The following SLC2A13 variants were observed in gnomAD, a reference collection of about 807,000 sequenced individuals.
SLC2A13 encodes the protein proton myo-inositol cotransporter.
In SLC2A13, 32 loss-of-function variants were observed where a neutral mutation model predicts 64.4. The ratio of observed to expected loss-of-function variants is 0.50; its 90% CI spans 0.37 to 0.67. The LOEUF is 0.67. Ranked by LOEUF, SLC2A13 falls within the 30% of genes least tolerant of loss-of-function variation. The probability of loss-of-function intolerance (pLI) is 0.00; values close to 1 mark genes in which losing one functional copy is unlikely to be tolerated. For synonymous variants in SLC2A13, 338 were observed against 327.1 expected (o/e 1.03, Z -0.36); for missense variants, 743 against 829.2 (o/e 0.90, Z 1.28).
At chr12:39,941,550 T>C (rs1946026051) in intron 4 of SLC2A13, among the ~76,000 whole-genome samples, 1 of 152,212 alleles carries the variant, frequency 6.6e-6, no homozygotes. Flanking sequence ...TTCATGTTTG[T>C]TGGCCATTTC....
At chr12:39,934,190 G>T (rs528593136) in intron 4 of SLC2A13, among the ~76,000 whole-genome samples, 1 of 152,124 alleles carries the variant, frequency 6.6e-6, no homozygotes, top group East Asian at 1.9e-4. Flanking sequence ...TGAAATGAAG[G>T]TCTTGGGGAT....
intron 6 of SLC2A13, among the ~76,000 whole-genome samples, chr12:39,833,945 G>GT (rs1942935818): frequency 6.7e-6 from 1 of 150,186 alleles, no homozygotes; most frequent in Non-Finnish European, 1.5e-5. Flanking sequence ...AAAGTAGGTC[G>GT]TAAGACCCTC....
intron 3 of SLC2A13, among the ~76,000 whole-genome samples, chr12:39,987,943 T>C (rs999431904): frequency 3.3e-5 from 5 of 151,868 alleles, no homozygotes; most frequent in African/African-American, 7.3e-5. Context: ...AGAAAAAGAG[T>C]GAAATCCCCC....
chr12:39,874,874 T>C (rs1944143848), intron 4 of SLC2A13, among the ~76,000 whole-genome samples: 1 of 152,192 alleles, frequency 6.6e-6, no homozygotes, highest in Non-Finnish European at 1.5e-5. Context: ...GAAGCCTATT[T>C]CAAATCATTA....
At chr12:39,978,530 AGTTCCCTTT>A (rs1489582317) in intron 3 of SLC2A13, among the ~76,000 whole-genome samples, 1 of 152,190 alleles carries the variant, frequency 6.6e-6, no homozygotes, top group African/African-American at 2.4e-5. Flanking sequence ...GGGGTCAGGG[AGTTCCCTTT>A]CGGAGTCAAA....
At chr12:40,020,755 T>C (rs571199814) in intron 3 of SLC2A13, among the ~76,000 whole-genome samples, 1 of 152,240 alleles carries the variant, frequency 6.6e-6, no homozygotes, top group South Asian at 2.1e-4. Context: ...TTAAAGGGCA[T>C]AGCAATTTGT....
At position 40,037,395 on chromosome 12, in the gene SLC2A13, G is replaced by T. The variant is rs145325424; in HGVS notation, c.717-8886C>A. Among the ~76,000 whole-genome samples, 383 of 152,136 alleles carry T rather than the reference G, an allele frequency of 2.5e-3. 2 individuals are homozygous for T. The highest frequency in any genetic ancestry group is 4.2e-3 in the Non-Finnish European group (288 of 67,984). ...GCAATTTGGTAGGCTGCAGTGGGTG[G>T]ATTGCTTAAGCTCAGGATTTCAAAA... On this transcript the variant is annotated intron_variant, in intron 2 of 9. Coordinates refer to ENST00000280871, the MANE Select transcript of SLC2A13 (RefSeq NM_052885.4).
rs148991634 is a variant in SLC2A13, at chr12:39,839,692, A to T, written c.1320-9464T>A. Among the ~76,000 whole-genome samples, 930 of 151,964 alleles carry T rather than the reference A, an allele frequency of 6.1e-3. 10 individuals are homozygous for T. Among genetic ancestry groups the T allele is most frequent in the African/African-American group, 0.021 (882 of 41,462 alleles). ...TTCTCCTTTGCTTCTGTTCTGGGCC[A>T]TCTACTTTCATTGCTTTGCTGGGAA... is the stretch of plus-strand genomic sequence containing the variant. On this transcript the variant is annotated intron_variant, in intron 6 of 9. Coordinates refer to ENST00000280871, the MANE Select transcript of SLC2A13 (RefSeq NM_052885.4).
intron 4 of SLC2A13, among the ~76,000 whole-genome samples, chr12:39,875,540 G>GA (rs956297228): frequency 1.3e-5 from 2 of 152,138 alleles, no homozygotes; most frequent in Non-Finnish European, 2.9e-5. Context: ...TCCTTGGGGG[G>GA]ACCATTATTC....
chr12:40,074,166 ATTTT>A (rs34071336), intron 1 of SLC2A13, among the ~76,000 whole-genome samples: 9 of 121,880 alleles, frequency 7.4e-5, no homozygotes, highest in Non-Finnish European at 1.1e-4. Context: ...CATCAAAGAC[ATTTT>A]TTTTTTTTTT....
At chr12:39,793,836 C>A (rs1352051848) in intron 7 of SLC2A13, among the ~76,000 whole-genome samples, 2 of 151,986 alleles carry the variant, frequency 1.3e-5, no homozygotes, top group Non-Finnish European at 2.9e-5. Context: ...AATAAATGAT[C>A]CCAGAACATT....
intron 3 of SLC2A13, among the ~76,000 whole-genome samples, chr12:39,965,292 G>A (rs998591178): frequency 6.6e-6 from 1 of 152,106 alleles, no homozygotes; most frequent in Non-Finnish European, 1.5e-5. Flanking sequence ...CAAGTTTATG[G>A]ACATTATTAT....
At chr12:39,783,177 A>G (rs1410319978) in intron 7 of SLC2A13, among the ~76,000 whole-genome samples, 2 of 152,140 alleles carry the variant, frequency 1.3e-5, no homozygotes, top group African/African-American at 4.8e-5. Context: ...AGCTTCATCC[A>G]TGTCCCTACG....
At chr12:39,970,746 G>A (rs1052977204) in intron 3 of SLC2A13, among the ~76,000 whole-genome samples, 1 of 152,082 alleles carries the variant, frequency 6.6e-6, no homozygotes, top group African/African-American at 2.4e-5. Context: ...TAATATCAGG[G>A]TCCTGATGCT....
chr12:40,085,819 T>C (rs1938571075), intron 1 of SLC2A13, among the ~76,000 whole-genome samples: 1 of 152,126 alleles, frequency 6.6e-6, no homozygotes, highest in African/African-American at 2.4e-5. Context: ...CATAAAAGAT[T>C]TGAAAGCAGG....
chr12:39,992,540 CCT>C (rs1473672290), intron 3 of SLC2A13, among the ~76,000 whole-genome samples: 10 of 151,942 alleles, frequency 6.6e-5, no homozygotes, highest in Non-Finnish European at 1.3e-4. Flanking sequence ...GCCACTTTCC[CCT>C]GTCACTGTTT....
intron 4 of SLC2A13, among the ~76,000 whole-genome samples, chr12:39,881,977 T>C (rs1206870915): frequency 6.6e-6 from 1 of 152,144 alleles, no homozygotes; most frequent in East Asian, 1.9e-4. Flanking sequence ...TTAACTGCTC[T>C]ACCACCAAAA....
chr12:39,962,019 T>C (rs1388457966), intron 3 of SLC2A13, among the ~76,000 whole-genome samples: 1 of 152,194 alleles, frequency 6.6e-6, no homozygotes, highest in East Asian at 1.9e-4. Context: ...AGCAATGAAT[T>C]TTATCAAATG....
At chr12:39,959,044 A>C (rs1946364438) in intron 3 of SLC2A13, among the ~76,000 whole-genome samples, 1 of 152,194 alleles carries the variant, frequency 6.6e-6, no homozygotes, top group South Asian at 2.1e-4. Context: ...GGAATAAAAG[A>C]AGGAAAGAAG....
Sources: gnomAD v4.1 joint callset for allele counts (sites outside exome capture counted in the v4.1 genomes callset) on GRCh38, gnomAD v4.1.1 for gene constraint, MANE v1.5 for transcripts, NCBI Gene and HGNC (gene_info 2026-07-23, HGNC 2026-07-21) for gene names.